The following FAM81A variants were observed in gnomAD, a reference collection of about 807,000 sequenced individuals.
FAM81A encodes the protein protein FAM81A.
Under a neutral mutation model 46.7 loss-of-function variants are expected in FAM81A, and 19 were observed. The observed-to-expected ratio is 0.41, with a 90% CI of 0.28 to 0.60. The LOEUF (loss-of-function observed/expected upper bound fraction) is 0.60. Ranked by LOEUF, FAM81A falls within the 20% of genes least tolerant of loss-of-function variation. FAM81A has a pLI of 0.34. For missense variants in FAM81A, 377 were observed against 453.5 expected, an observed-to-expected ratio of 0.83 and a Z score of 1.53; for synonymous variants, 183 against 152.9, an observed-to-expected ratio of 1.20 and a Z score of -1.45.
At chr15:59,463,316 C>A (rs983777470) in intron 3 of FAM81A, among the ~76,000 whole-genome samples, 17 of 151,928 alleles carry the variant, frequency 1.1e-4, no homozygotes, top group African/African-American at 4.1e-4. Flanking sequence ...TTTCTGGATT[C>A]CACTGTTCTG....
chr15:59,426,508 A>C lies in FAM81A; in HGVS notation c.-78+24150A>C, dbSNP rs369535217. Among the ~76,000 whole-genome samples the C allele has an allele frequency of 1.4e-4, 21 of 152,338 alleles. No individual in the cohort carries two copies. The East Asian group carries it at 3.3e-3, about 24-fold the overall frequency. ...CATGCCTGTAATCCCAGCTACTGGG[A>C]GGCTGAGGCAGGAGAATCGCTTGAA... On this transcript the variant is annotated intron_variant, in intron 2 of 4. Coordinates refer to the FAM81A transcript ENST00000558348.
At chr15:59,412,714 C>CCA (rs2081127362) in intron 2 of FAM81A, among the ~76,000 whole-genome samples, 1 of 11,930 alleles carries the variant, frequency 8.4e-5, no homozygotes, top group Non-Finnish European at 2.1e-4. Flanking sequence ...GTGACCCTGT[C>CCA]ACAGAAAAAA....
At chr15:59,462,760 C>A (rs763461379) in intron 3 of FAM81A, among the ~76,000 whole-genome samples, 3 of 152,138 alleles carry the variant, frequency 2.0e-5, no homozygotes, top group Non-Finnish European at 4.4e-5. Flanking sequence ...TGGAATCAGA[C>A]AATAATTTGT....
rs1296479178 is a variant in FAM81A at position 59,492,405 on chromosome 15, T to C, written c.413+16T>C. The C allele has an allele frequency of 1.3e-6, 2 of 1,598,846 alleles. No homozygotes were observed. Among genetic ancestry groups the C allele is most frequent in the Non-Finnish European group, 1.7e-6 (2 of 1,168,654 alleles). On this transcript the variant is annotated intron_variant, in intron 4 of 8. Coordinates refer to ENST00000288228, the MANE Select transcript of FAM81A (RefSeq NM_152450.3). ...GAGTGGCAAGGTAGGTGTTCAAATG[T>C]TGGGGTCTCTGCTCATCAAAAACCA...
chr15:59,504,790 T>C (rs2082131989), intron 4 of FAM81A, among the ~76,000 whole-genome samples: 1 of 152,224 alleles, frequency 6.6e-6, no homozygotes. Context: ...TCTTCTGATA[T>C]CTGTTGTCTC....
intron 2 of FAM81A, chr15:59,407,806 A>T: frequency 4.0e-6 from 1 of 249,014 alleles, no homozygotes; most frequent in Non-Finnish European, 7.6e-6. Flanking sequence ...AGTCCAGGCC[A>T]GCAGCCTCTG....
At chr15:59,414,547 C>A (rs1267816051) in intron 2 of FAM81A, among the ~76,000 whole-genome samples, 1 of 151,990 alleles carries the variant, frequency 6.6e-6, no homozygotes, top group Non-Finnish European at 1.5e-5. Flanking sequence ...AATGAATGGG[C>A]CCTTCTCTTG....
chr15:59,453,602 C>T (rs936688264), intron 1 of FAM81A, among the ~76,000 whole-genome samples: 4 of 151,928 alleles, frequency 2.6e-5, no homozygotes, highest in African/African-American at 7.3e-5. Flanking sequence ...ATATGTTGGA[C>T]TGTAGCTGTG....
intron 3 of FAM81A, among the ~76,000 whole-genome samples, chr15:59,487,743 C>T (rs1202225893): frequency 1.1e-4 from 17 of 151,990 alleles, no homozygotes; most frequent in African/African-American, 1.5e-4. Flanking sequence ...TAACAAGTAA[C>T]GAGATTGAAG....
intron 3 of FAM81A, among the ~76,000 whole-genome samples, chr15:59,478,441 G>A (rs1451946001): frequency 6.6e-6 from 1 of 152,162 alleles, no homozygotes; most frequent in Non-Finnish European, 1.5e-5. Flanking sequence ...GGGAAAGCAG[G>A]GGCGTAGACA....
intron 3 of FAM81A, among the ~76,000 whole-genome samples, chr15:59,476,172 A>C (rs1220663775): frequency 6.6e-6 from 1 of 151,884 alleles, no homozygotes; most frequent in African/African-American, 2.4e-5. Flanking sequence ...ATCACCTCTT[A>C]TAGGCCCCAC....
At chr15:59,504,476 G>C (rs560468039) in intron 4 of FAM81A, among the ~76,000 whole-genome samples, 100 of 152,302 alleles carry the variant, frequency 6.6e-4, no homozygotes, top group African/African-American at 2.4e-3. Context: ...TTCTAGAACA[G>C]TTGTTGCAAA....
At chr15:59,484,700 G>T (rs749524195) in intron 3 of FAM81A, among the ~76,000 whole-genome samples, 1 of 152,214 alleles carries the variant, frequency 6.6e-6, no homozygotes, top group African/African-American at 2.4e-5. Flanking sequence ...CACAGCCGTG[G>T]TGGCTGTGAG....
At chr15:59,472,824 T>C (rs920227112) in intron 3 of FAM81A, among the ~76,000 whole-genome samples, 5 of 152,298 alleles carry the variant, frequency 3.3e-5, no homozygotes, top group African/African-American at 1.2e-4. Flanking sequence ...AGAAGTGCAA[T>C]GACCTCAGAG....
intron 1 of FAM81A, among the ~76,000 whole-genome samples, chr15:59,398,467 C>T (rs143039716): frequency 6.6e-6 from 1 of 152,214 alleles, no homozygotes; most frequent in South Asian, 2.1e-4. Context: ...GTCATTAGAA[C>T]ATGAATCCAG....
chr15:59,419,365 G>T (rs556636840), intron 2 of FAM81A, among the ~76,000 whole-genome samples: 2 of 152,246 alleles, frequency 1.3e-5, no homozygotes, highest in South Asian at 2.1e-4. Context: ...TGAACTCCCT[G>T]TTTCCTCCCT....
At chr15:59,502,404 C>T (rs912762883) in intron 4 of FAM81A, among the ~76,000 whole-genome samples, 4 of 151,408 alleles carry the variant, frequency 2.6e-5, no homozygotes, top group Non-Finnish European at 5.9e-5. Flanking sequence ...TTGTTCAATT[C>T]CCACCTATGA....
At chr15:59,464,646 C>T (rs531405585) in intron 3 of FAM81A, among the ~76,000 whole-genome samples, 100 of 152,132 alleles carry the variant, frequency 6.6e-4, no homozygotes, top group African/African-American at 2.3e-3. Flanking sequence ...AAATCATTTA[C>T]CCATTTAAAA....
At chr15:59,509,093 A>C in intron 6 of FAM81A, 124 bp downstream of exon 6, 1 of 740,378 alleles carries the variant, frequency 1.4e-6, no homozygotes, top group Non-Finnish European at 2.1e-6. Context: ...GGAAGTTAAA[A>C]AGAAAAGTTT....
Sources: gnomAD v4.1 joint callset for allele counts (sites outside exome capture counted in the v4.1 genomes callset) on GRCh38, gnomAD v4.1.1 for gene constraint, MANE v1.5 for transcripts, NCBI Gene and HGNC (gene_info 2026-07-23, HGNC 2026-07-21) for gene names.